Variants in CMYA5 observed in about 807,000 individuals in gnomAD.
CMYA5 encodes the protein cardiomyopathy-associated protein 5.
A neutral mutation model predicts 318.9 loss-of-function variants in CMYA5; 246 were observed. The observed-to-expected ratio is 0.77, with a 90% CI of 0.70 to 0.86. CMYA5 has a LOEUF of 0.86. CMYA5 is among the 40% of genes least tolerant of loss of function. The pLI, the probability that CMYA5 is intolerant of heterozygous loss-of-function variation, is 0.00. For synonymous variants in CMYA5, 1,641 were observed against 1,729.5 expected (o/e 0.95, Z 1.27); for missense variants, 4,589 against 4,678.2 (o/e 0.98, Z 0.56).
intron 9 of CMYA5, among the ~76,000 whole-genome samples, chr5:79,768,566 C>T (rs866623627): frequency 7.9e-5 from 12 of 152,018 alleles, no homozygotes; most frequent in African/African-American, 2.4e-4. Flanking sequence ...TTAGTTTGGC[C>T]GGATATTAAG....
intron 9 of CMYA5, among the ~76,000 whole-genome samples, chr5:79,776,876 C>T (rs576370259): frequency 6.6e-6 from 1 of 152,274 alleles, no homozygotes; most frequent in Admixed American, 6.5e-5. Context: ...TGGATTCCTC[C>T]ATATTGTTTG....
rs1254613958 is a variant in CMYA5, at chr5:79,758,778, TC to T, written c.11137del (p.Gln3713ArgfsTer17). The T allele has an allele frequency of 1.2e-6, 2 of 1,605,984 alleles. No homozygotes were observed. Among genetic ancestry groups the T allele is most frequent in the Admixed American group, 3.4e-5 (2 of 58,730 alleles). The part of the protein sequence containing the change: ...AVPQPPRLEP[Q>X]EPNSATSTTI... Reference sequence around the variant, plus strand: ...TTCCACAGCCTCCTAGATTAGAACCTCAGGAACCAAATTCTGCCACCAGCAC... The same window carrying T: ...TTCCACAGCCTCCTAGATTAGAACCTAGGAACCAAATTCTGCCACCAGCAC... On this transcript the variant is annotated frameshift_variant, in exon 7 of 13. Coordinates refer to ENST00000446378, the MANE Select transcript of CMYA5 (RefSeq NM_153610.5). LOFTEE classifies it high-confidence loss of function.
At chr5:79,707,902 C>T (rs1197170349) in intron 1 of CMYA5, among the ~76,000 whole-genome samples, 2 of 152,178 alleles carry the variant, frequency 1.3e-5, no homozygotes, top group African/African-American at 2.4e-5. Context: ...CAAGGCACTG[C>T]AGATTCAGTG....
intron 9 of CMYA5, among the ~76,000 whole-genome samples, chr5:79,772,786 T>C (rs930955785): frequency 4.1e-4 from 63 of 152,212 alleles, no homozygotes; most frequent in Admixed American, 3.3e-4. Context: ...GGAGTGGCCA[T>C]GTGTTATGGT....
intron 2 of CMYA5, among the ~76,000 whole-genome samples, chr5:79,741,296 G>A (rs999020673): frequency 6.6e-6 from 1 of 152,142 alleles, no homozygotes; most frequent in Admixed American, 6.5e-5. Flanking sequence ...GGTCATGGAA[G>A]GCGAAACTGG....
chr5:79,719,924 A>C (rs1400203964), intron 1 of CMYA5, among the ~76,000 whole-genome samples: 3 of 152,234 alleles, frequency 2.0e-5, no homozygotes, highest in Non-Finnish European at 4.4e-5. Context: ...GGAAATTCGA[A>C]AACTGAAAAA....
At chr5:79,705,991 T>C (rs1827263592) in intron 1 of CMYA5, among the ~76,000 whole-genome samples, 2 of 152,172 alleles carry the variant, frequency 1.3e-5, no homozygotes, top group Non-Finnish European at 2.9e-5. Flanking sequence ...CATCTACTAG[T>C]ACCCTGAACT....
chr5:79,765,683 T>G (rs145969846), intron 9 of CMYA5, among the ~76,000 whole-genome samples: 4,407 of 152,264 alleles, frequency 0.029, 218 homozygotes, highest in African/African-American at 0.1. Flanking sequence ...GGTTTGTAGT[T>G]CTCCTTGAAG....
At position 79,735,571 on chromosome 5, in the gene CMYA5, T is replaced by C; in HGVS notation, c.6806T>C (p.Leu2269Ser). 1 of 1,613,244 alleles carries C rather than the reference T, an allele frequency of 6.2e-7. No individual in the cohort carries two copies. Among genetic ancestry groups the C allele is most frequent in the African/African-American group, 1.3e-5 (1 of 74,930 alleles). The stretch of plus-strand genomic sequence containing the variant: ...AACGTTAAAGAAAAATCCATGATTT[T>C]ATCAAATGTAGAAGATTTACAACAG... The part of the protein sequence containing the change: ...GQNVKEKSMI[L>S]SNVEDLQQPK... The change falls in exon 2 of 13, where the codon TTA becomes TCA. Residue 2269 changes from leucine to serine, a missense_variant. Leu to Ser is a moderately radical substitution (Grantham distance 145). Coordinates refer to ENST00000446378, the MANE Select transcript of CMYA5 (RefSeq NM_153610.5).
At chr5:79,771,929 A>G (rs749396922) in intron 9 of CMYA5, among the ~76,000 whole-genome samples, 2 of 152,190 alleles carry the variant, frequency 1.3e-5, no homozygotes, top group Non-Finnish European at 2.9e-5. Flanking sequence ...CATGAGAAAC[A>G]TAGATATGAA....
At chr5:79,776,479 A>T (rs1011082386) in intron 9 of CMYA5, among the ~76,000 whole-genome samples, 1 of 152,144 alleles carries the variant, frequency 6.6e-6, no homozygotes, top group African/African-American at 2.4e-5. Context: ...CATGTTCTCA[A>T]GTAGTTTTTT....
intron 7 of CMYA5, among the ~76,000 whole-genome samples, chr5:79,759,871 A>G (rs1828613837): frequency 6.6e-6 from 1 of 152,232 alleles, no homozygotes; most frequent in African/African-American, 2.4e-5. Context: ...AGTTGGCTAA[A>G]TCTGTCTGTA....
chr5:79,778,734 ATC>A (rs1828990581), intron 9 of CMYA5, among the ~76,000 whole-genome samples: 1 of 150,566 alleles, frequency 6.6e-6, no homozygotes, highest in African/African-American at 2.5e-5. Flanking sequence ...GGATTTATCA[ATC>A]TCTTTTGAAA....
chr5:79,786,689 T>C (rs1318135397), intron 9 of CMYA5, among the ~76,000 whole-genome samples: 1 of 152,228 alleles, frequency 6.6e-6, no homozygotes. Flanking sequence ...TTTGAAGTTT[T>C]TGTTAGGCTA....
At chr5:79,722,856 C>T (rs533804007) in intron 1 of CMYA5, among the ~76,000 whole-genome samples, 76 of 152,008 alleles carry the variant, frequency 5.0e-4, no homozygotes, top group African/African-American at 1.8e-3. Context: ...GATTTCTAAA[C>T]ATTTAGATGA....
intron 1 of CMYA5, among the ~76,000 whole-genome samples, chr5:79,709,042 G>A (rs1321899618): frequency 6.6e-6 from 1 of 152,124 alleles, no homozygotes; most frequent in Non-Finnish European, 1.5e-5. Context: ...GTATTTCAGA[G>A]AAGAAAGTGA....
intron 1 of CMYA5, among the ~76,000 whole-genome samples, chr5:79,715,351 G>A (rs187140150): frequency 0.018 from 2,784 of 151,792 alleles, 96 homozygotes; most frequent in African/African-American, 0.064. Flanking sequence ...GCAGTGGTGC[G>A]ATCTCAGCTC....
chr5:79,791,762 G>A (rs951325898), intron 11 of CMYA5, among the ~76,000 whole-genome samples: 11 of 150,278 alleles, frequency 7.3e-5, no homozygotes, highest in African/African-American at 2.7e-4. Context: ...AGTTTATTGA[G>A]TTCCTAGTTT....
At chr5:79,794,404 G>T (rs1009337200) in intron 12 of CMYA5, among the ~76,000 whole-genome samples, 1 of 152,314 alleles carries the variant, frequency 6.6e-6, no homozygotes, top group South Asian at 2.1e-4. Context: ...GTCTCAGAGC[G>T]ATCAGGCAGG....
Sources: gnomAD v4.1 joint callset for allele counts (sites outside exome capture counted in the v4.1 genomes callset) on GRCh38, gnomAD v4.1.1 for gene constraint, MANE v1.5 for transcripts, NCBI Gene and HGNC (gene_info 2026-07-23, HGNC 2026-07-21) for gene names.